The following ZNF333 variants were observed in gnomAD, a reference collection of about 807,000 sequenced individuals.
The protein encoded by ZNF333 is zinc finger protein 333.
A neutral mutation model predicts 76.1 loss-of-function variants in ZNF333; 61 were observed. The ratio of observed to expected loss-of-function variants is 0.80; its 90% CI spans 0.65 to 0.99. The LOEUF is 0.99. ZNF333 is among the 50% of genes least tolerant of loss of function. ZNF333 has a pLI of 0.00. For synonymous variants in ZNF333, 284 were observed against 305.0 expected (o/e 0.93, Z 0.72); for missense variants, 717 against 822.4 (o/e 0.87, Z 1.57).
chr19:14,716,910 G>A (rs2147017347), intron 9 of ZNF333, 84 bp from the exon 10 acceptor site: 2 of 1,263,848 alleles, frequency 1.6e-6, no homozygotes, highest in East Asian at 2.6e-5. Flanking sequence ...CATCTCTAGA[G>A]CCCCTAAAGA....
At chr19:14,704,601 G>A (rs1342017101) in intron 5 of ZNF333, among the ~76,000 whole-genome samples, 3 of 152,170 alleles carry the variant, frequency 2.0e-5, no homozygotes, top group African/African-American at 4.8e-5. Context: ...CATGGCAGAA[G>A]GCAAGGAGGA....
At chr19:14,703,125 A>C (rs2042007431) in intron 5 of ZNF333, among the ~76,000 whole-genome samples, 1 of 143,632 alleles carries the variant, frequency 7.0e-6, no homozygotes, top group Middle Eastern at 4.1e-3. Context: ...AATGGCGTGA[A>C]CCCCAGGGGG....
Position 14,727,113 on chromosome 19 carries a change from C to T in ZNF333, c.901-4062C>T, listed in dbSNP as rs375661363. On this transcript the variant is annotated intron_variant, in intron 11 of 11. Transcript: ENST00000540689. ...CGCAATCTTGGCTCACTACAAGCTC[C>T]GCCTCCTGGGTTCACACCATTCTCT... Among the ~76,000 whole-genome samples the T allele has an allele frequency of 2.7e-4, 40 of 150,606 alleles. No individual in the cohort carries two copies. The South Asian group carries it at 3.4e-3, about 13-fold the overall frequency.
chr19:14,725,070 A>C (rs1287321111), downstream of ZNF333, among the ~76,000 whole-genome samples: 3 of 152,204 alleles, frequency 2.0e-5, no homozygotes, highest in Non-Finnish European at 4.4e-5. Flanking sequence ...GCCTCTGCTC[A>C]GCTTCTGGCG....
intron 8 of ZNF333, 26 bp from the exon 9 acceptor site, chr19:14,716,086 T>A (rs758689235): frequency 9.3e-6 from 15 of 1,613,452 alleles, no homozygotes; most frequent in Admixed American, 5.0e-5. Flanking sequence ...GGTCCCTGGC[T>A]GAGCCGGGAT....
At chr19:14,717,422 TTACC>T in intron 10 of ZNF333, 1 of 557,650 alleles carries the variant, frequency 1.8e-6, no homozygotes, top group Non-Finnish European at 3.2e-6. Context: ...TTTTGGTAAA[TTACC>T]TACTATTTCC....
intron 4 of ZNF333, among the ~76,000 whole-genome samples, chr19:14,698,913 T>G (rs74678611): frequency 1.8e-3 from 38 of 21,686 alleles, no homozygotes; most frequent in Non-Finnish European, 3.3e-3. Context: ...TATATATATA[T>G]ATATATATAT....
intron 4 of ZNF333, among the ~76,000 whole-genome samples, chr19:14,698,755 G>A (rs1973420275): frequency 6.6e-6 from 1 of 150,534 alleles, no homozygotes; most frequent in Non-Finnish European, 1.5e-5. Context: ...GCAGAGAATT[G>A]CTTGAACTCA....
At chr19:14,696,528 C>T (rs772219986) in intron 4 of ZNF333, among the ~76,000 whole-genome samples, 6 of 151,990 alleles carry the variant, frequency 3.9e-5, no homozygotes, top group Admixed American at 6.6e-5. Flanking sequence ...GTTTATTTGA[C>T]TCCTGGTTCT....
chr19:14,691,332 C>T (rs1972760865), intron 1 of ZNF333, among the ~76,000 whole-genome samples: 1 of 152,106 alleles, frequency 6.6e-6, no homozygotes. Context: ...AATCACAGAG[C>T]TTCAAAACTA....
chr19:14,723,553 G>C (rs2042615006), downstream of ZNF333, among the ~76,000 whole-genome samples: 4 of 152,136 alleles, frequency 2.6e-5, no homozygotes, highest in South Asian at 8.3e-4. Context: ...TCAGTGTACA[G>C]GTTCTTCATC....
chr19:14,726,824 A>G (rs528859824), downstream of ZNF333, among the ~76,000 whole-genome samples: 3 of 152,100 alleles, frequency 2.0e-5, no homozygotes, highest in Non-Finnish European at 4.4e-5. Context: ...TTTTGGTCAC[A>G]ACCCTTTAAC....
rs536558923 is a variant in ZNF333 at position 14,719,983 on chromosome 19, C to A, written c.*658C>A. The stretch of plus-strand genomic sequence containing the variant: ...GGGGGATCACCTGAGGTCAGGAGTT[C>A]GAGATCAGCCTGGCCAACATGGTGA... On this transcript the variant is annotated 3_prime_UTR_variant, in exon 12 of 12. Transcript: ENST00000292530. 1.1e-6 allele frequency: 1 copy of A among 921,010 alleles called. No homozygotes were observed. The highest frequency in any genetic ancestry group is 1.8e-5 in the African/African-American group (1 of 55,782). The allele number at this position is 921,010 out of a possible 1,614,324, so 57.1% of individuals were successfully genotyped here.
downstream of ZNF333, among the ~76,000 whole-genome samples, chr19:14,724,823 T>C (rs535302307): frequency 6.6e-6 from 1 of 152,344 alleles, no homozygotes; most frequent in East Asian, 1.9e-4. Context: ...ACTGTGCTGC[T>C]TGATTCTTAC....
intron 5 of ZNF333, among the ~76,000 whole-genome samples, chr19:14,703,866 G>A (rs1461933756): frequency 6.6e-6 from 1 of 152,156 alleles, no homozygotes; most frequent in Non-Finnish European, 1.5e-5. Context: ...AGGCAGTTTG[G>A]CCCTGTGAAT....
intron 7 of ZNF333, among the ~76,000 whole-genome samples, chr19:14,713,947 C>T (rs553708200): frequency 1.3e-5 from 2 of 151,066 alleles, no homozygotes; most frequent in Admixed American, 1.3e-4. Context: ...GGTGACAGAG[C>T]AAGACTCTGG....
chr19:14,699,073 T>C, intron 4 of ZNF333, 126 bp from the exon 5 acceptor site: 1 of 629,640 alleles, frequency 1.6e-6, no homozygotes, highest in Admixed American at 2.7e-5. Context: ...ATATTCAACA[T>C]TAAAAGAAAA....
rs1214627816 is a variant in ZNF333 at position 14,718,979 on chromosome 19, G to A, written c.1652G>A (p.Ser551Asn). 2 of 1,613,990 alleles carry A rather than the reference G, an allele frequency of 1.2e-6. No individual in the cohort carries two copies. Among genetic ancestry groups the A allele is most frequent in the East Asian group, 2.2e-5 (1 of 44,874 alleles). ...TTGAGTCGTCTTTCAACCCTGAAGA[G>A]TCACATGCGAACTCACACTGGAGAG... Reference protein sequence around the residue: ...QVLSRLSTLKSHMRTHTGEKP... With the variant: ...QVLSRLSTLKNHMRTHTGEKP... Residue 551 changes from serine to asparagine, a missense_variant, in exon 12 of 12, where the codon AGT (serine) becomes AAT (asparagine). Coordinates refer to ENST00000292530, the MANE Select transcript of ZNF333 (RefSeq NM_032433.4).
Position 14,695,567 on chromosome 19 carries a change from AACTC to A in ZNF333, c.130_133del (p.Thr44HisfsTer64), listed in dbSNP as rs1973119969. ...GCCTGTGTCTTTCTTCATGTGCAGG[AACTC>A]CACCATGCAAACCCAGTTGTGTCTC... is the stretch of plus-strand genomic sequence containing the variant. On this transcript the variant is annotated frameshift_variant and splice_region_variant, in exon 4 of 12. Coordinates refer to ENST00000292530, the MANE Select transcript of ZNF333 (RefSeq NM_032433.4). LOFTEE classifies it high-confidence loss of function. The A allele has an allele frequency of 6.2e-7, 1 of 1,613,960 alleles. No homozygotes were observed. Among genetic ancestry groups the A allele is most frequent in the Non-Finnish European group, 8.5e-7 (1 of 1,179,962 alleles).
Sources: gnomAD v4.1 joint callset for allele counts (sites outside exome capture counted in the v4.1 genomes callset) on GRCh38, gnomAD v4.1.1 for gene constraint, MANE v1.5 for transcripts, NCBI Gene and HGNC (gene_info 2026-07-23, HGNC 2026-07-21) for gene names.